KIF3C: variants seen among roughly 807,000 people sequenced by gnomAD.
KIF3C encodes kinesin-like protein KIF3C.
Under a neutral mutation model 67.7 loss-of-function variants are expected in KIF3C, and 12 were observed. That is an observed-to-expected ratio of 0.18 (90% confidence interval 0.11 to 0.29). The LOEUF (loss-of-function observed/expected upper bound fraction) is 0.29, where lower values mean the gene tolerates loss of function less well. Ranked by LOEUF, KIF3C falls within the 10% of genes least tolerant of loss-of-function variation. The pLI is 1.00. For synonymous variants in KIF3C, 393 were observed against 426.2 expected, an observed-to-expected ratio of 0.92 and a Z score of 0.96; for missense variants, 789 against 1,059.6, an observed-to-expected ratio of 0.74 and a Z score of 3.55.
intron 1 of KIF3C, among the ~76,000 whole-genome samples, chr2:25,975,068 G>A (rs1021387415): frequency 6.7e-6 from 1 of 148,558 alleles, no homozygotes; most frequent in African/African-American, 2.5e-5. Flanking sequence ...TTCCAGTCTC[G>A]GGCTTCTTTC....
At chr2:25,951,447 C>T (rs770717253) in intron 5 of KIF3C, 25 of 263,022 alleles carry the variant, frequency 9.5e-5, no homozygotes, top group Non-Finnish European at 1.6e-4. Context: ...GTTGCTATTT[C>T]GGGCATCTGA....
chr2:25,945,564 CAAAA>C (rs10581291), intron 5 of KIF3C, among the ~76,000 whole-genome samples: 1 of 67,394 alleles, frequency 1.5e-5, no homozygotes, highest in Non-Finnish European at 3.0e-5. Flanking sequence ...GAGAATATCT[CAAAA>C]AAAAAAAAAA....
intron 5 of KIF3C, among the ~76,000 whole-genome samples, chr2:25,932,003 G>GTTTT (rs775155142): frequency 5.2e-5 from 5 of 96,170 alleles, no homozygotes; most frequent in African/African-American, 8.1e-5. Context: ...CTTCTGTTTT[G>GTTTT]TTTTTTTTTT....
chr2:25,980,276 C>T lies in KIF3C; in HGVS notation c.1545+97G>A. 1.0e-6 allele frequency: 1 copy of T among 1,004,912 alleles called. No homozygotes were observed. The highest frequency in any genetic ancestry group is 1.5e-6 in the Non-Finnish European group (1 of 688,900). 62.2% of individuals were successfully genotyped at this position (1,004,912 alleles called of 1,614,324 possible). On this transcript the variant is annotated intron_variant, in intron 1 of 7. Coordinates refer to ENST00000264712, the MANE Select transcript of KIF3C (RefSeq NM_002254.8). The surrounding 1 kb of genome is among the most constrained non-coding windows in gnomAD (Gnocchi z 7.6). ...AGTGTGCGGTGCTGAGGGAGAACCT[C>T]CACTTCAGGCCAGGTCACAGACTCT...
rs539502792 is a variant in KIF3C at position 25,964,653 on chromosome 2, T to A, written c.1546-8209A>T. 4.6e-5 allele frequency among the ~76,000 whole-genome samples: 7 copies of A among 152,232 alleles called. No individual in the cohort carries two copies. In the East Asian group the frequency reaches 1.2e-3, roughly 25 times the overall value. On this transcript the variant is annotated intron_variant, in intron 1 of 7. Transcript: ENST00000264712. ...GCTAATTTTTTTGGTGATTTTCAAGTGAAGAGATGGACCTCAGATTCAAAA... is the reference window on the plus strand; with the variant it reads ...GCTAATTTTTTTGGTGATTTTCAAGAGAAGAGATGGACCTCAGATTCAAAA...
rs951058914 is a variant in KIF3C, at chr2:25,954,308, C to T, written c.1848G>A (p.Leu616=). 1.2e-6 allele frequency: 2 copies of T among 1,614,040 alleles called. No individual in the cohort carries two copies. Among genetic ancestry groups the T allele is most frequent in the African/African-American group, 2.7e-5 (2 of 74,918 alleles). ...HDEYIRVRQD[L]EEAQNEQTRE... is the part of the protein sequence containing the mutation. ...GGGTCTGCTCGTTCTGCGCCTCCTCCAGGTCCTGCCGCACGCGGATATACT... is the reference window on the plus strand; with the variant it reads ...GGGTCTGCTCGTTCTGCGCCTCCTCTAGGTCCTGCCGCACGCGGATATACT... The change falls in exon 4 of 8, where the codon CTG becomes CTA. Residue 616 remains leucine (L), a synonymous_variant. Transcript: ENST00000264712.
chr2:25,928,751 G>T lies in KIF3C; in HGVS notation c.*227C>A. 2 of 479,450 alleles carry T rather than the reference G, an allele frequency of 4.2e-6. No homozygotes were observed. The highest frequency in any genetic ancestry group is 2.5e-5 in the South Asian group (1 of 39,282). 29.7% of individuals were successfully genotyped at this position (479,450 alleles called of 1,614,324 possible). A position where few individuals can be genotyped will look rare whatever the true frequency, so the allele number is the denominator to read the frequency against. On this transcript the variant is annotated 3_prime_UTR_variant, in exon 8 of 8. Transcript: ENST00000264712. ...CACGGTAGGCCCAGACGGCTCAGGC[G>T]AGGGCATCTCCCCAACACGAACAGA...
intron 5 of KIF3C, among the ~76,000 whole-genome samples, chr2:25,939,126 T>C (rs994701935): frequency 4.6e-5 from 7 of 152,006 alleles, no homozygotes; most frequent in African/African-American, 1.2e-4. Flanking sequence ...AGCCATCACA[T>C]CTAGCTAATT....
At chr2:25,931,846 C>G (rs1273961190) in intron 5 of KIF3C, among the ~76,000 whole-genome samples, 1 of 151,396 alleles carries the variant, frequency 6.6e-6, no homozygotes, top group Non-Finnish European at 1.5e-5. Context: ...ACCATGTTGG[C>G]TGGTCTCGAA....
intron 1 of KIF3C, among the ~76,000 whole-genome samples, chr2:25,957,687 C>T (rs1663841367): frequency 1.3e-5 from 2 of 152,160 alleles, no homozygotes; most frequent in South Asian, 4.1e-4. Flanking sequence ...CCTGTAAGAG[C>T]CACATCATTG....
chr2:25,945,597 T>C (rs114842754), intron 5 of KIF3C, among the ~76,000 whole-genome samples: 3,028 of 142,148 alleles, frequency 0.021, 34 homozygotes, highest in Middle Eastern at 0.04. Context: ...AAGAATAAAA[T>C]TTAAGGCCAG....
intron 1 of KIF3C, among the ~76,000 whole-genome samples, chr2:25,976,541 C>T (rs1479719993): frequency 6.6e-6 from 1 of 152,134 alleles, no homozygotes; most frequent in Non-Finnish European, 1.5e-5. Context: ...GTGGGCAAAT[C>T]ACAAGGTCAG....
intron 5 of KIF3C, among the ~76,000 whole-genome samples, chr2:25,940,213 C>A (rs527399355): frequency 6.6e-6 from 1 of 152,276 alleles, no homozygotes; most frequent in East Asian, 1.9e-4. Context: ...GACAGTCCTG[C>A]AAGGTACATA....
intron 5 of KIF3C, among the ~76,000 whole-genome samples, chr2:25,946,673 C>T (rs1427849535): frequency 6.6e-6 from 1 of 151,906 alleles, no homozygotes; most frequent in African/African-American, 2.4e-5. Context: ...GACGACAGAG[C>T]TAGACTCCAT....
Position 25,927,788 on chromosome 2 carries a change from T to G in KIF3C, c.*1190A>C, listed in dbSNP as rs979621700. ...TCAATGAACATTAACCATTTTTTTT[T>G]GTAGAAATTTACTTATCACTTGAGA... On this transcript the variant is annotated 3_prime_UTR_variant, in exon 8 of 8. Coordinates refer to ENST00000264712, the MANE Select transcript of KIF3C (RefSeq NM_002254.8). 1.3e-5 allele frequency: 2 copies of G among 152,604 alleles called. No individual in the cohort carries two copies. Among genetic ancestry groups the G allele is most frequent in the Admixed American group, 6.5e-5 (1 of 15,272 alleles). 9.5% of individuals were successfully genotyped at this position (152,604 alleles called of 1,614,324 possible). A position where few individuals can be genotyped will look rare whatever the true frequency, so the allele number is the denominator to read the frequency against.
chr2:25,979,290 GC>G (rs1203900498), intron 1 of KIF3C, among the ~76,000 whole-genome samples: 1 of 152,154 alleles, frequency 6.6e-6, no homozygotes, highest in Non-Finnish European at 1.5e-5. Flanking sequence ...CCCCATTAGA[GC>G]CTGGAAGGTC....
At chr2:25,971,411 G>A (rs1248639133) in intron 1 of KIF3C, among the ~76,000 whole-genome samples, 1 of 151,366 alleles carries the variant, frequency 6.6e-6, no homozygotes, top group African/African-American at 2.4e-5. Context: ...CTGTACTCCA[G>A]CCTGGTGACA....
chr2:25,953,449 C>T (rs1339969136), intron 4 of KIF3C, among the ~76,000 whole-genome samples: 1 of 151,310 alleles, frequency 6.6e-6, no homozygotes, highest in Non-Finnish European at 1.5e-5. Context: ...CAAGCTCTGC[C>T]TCCCAGGTTC....
rs564226186 is a variant in KIF3C at position 25,957,187 on chromosome 2, C to A, written c.1546-743G>T. Among the ~76,000 whole-genome samples the A allele has an allele frequency of 2.6e-5, 4 of 152,284 alleles. No homozygotes were observed. In the East Asian group the frequency reaches 7.7e-4, roughly 29 times the overall value. The stretch of plus-strand genomic sequence containing the variant: ...TTAACACCATGGTTTCCATCCCCCC[C>A]TAAGAGGGACTATTCTCCTCCGCAT... On this transcript the variant is annotated intron_variant, in intron 1 of 7. Transcript: ENST00000264712.
Sources: allele counts gnomAD v4.1 joint callset (sites outside exome capture counted in the v4.1 genomes callset), GRCh38; gene constraint gnomAD v4.1.1; non-coding constraint Gnocchi (gnomAD v3.1); transcripts MANE v1.5; gene names NCBI Gene and HGNC (gene_info 2026-07-23, HGNC 2026-07-21).